The following C9orf153 variants were observed in gnomAD, a reference collection of about 807,000 sequenced individuals.
C9orf153 encodes chromosome 9 open reading frame 153, also known as uncharacterized protein C9orf153.
In C9orf153, 10 loss-of-function variants were observed where a neutral mutation model predicts 9.0. That is an observed-to-expected ratio of 1.11 (90% CI 0.69 to 1.89). C9orf153 has a LOEUF of 1.89. Among genes scored for constraint, C9orf153 ranks in the 40% most tolerant of loss-of-function variants. The probability of loss-of-function intolerance (pLI) is 0.00; values close to 1 mark genes in which losing one functional copy is unlikely to be tolerated. For synonymous variants in C9orf153, 35 were observed against 37.3 expected (o/e 0.94, Z 0.23); for missense variants, 108 against 111.0 (o/e 0.97, Z 0.12).
intron 1 of C9orf153, among the ~76,000 whole-genome samples, chr9:86,248,956 C>T (rs1034035504): frequency 1.2e-4 from 18 of 152,190 alleles, no homozygotes; most frequent in Admixed American, 7.2e-4. Flanking sequence ...ACGCCAGCAA[C>T]GTCACAGCCA....
rs570953540 is a variant in C9orf153 at position 86,233,803 on chromosome 9, G to A, written c.-26-4174C>T. On this transcript the variant is annotated intron_variant, in intron 1 of 3. Transcript: ENST00000339137. Reference sequence around the variant, plus strand: ...CTATCATTTAAAAATATCATATTTCGGCCGGGCGCGGTGACTGGCGCCTGT... The same window carrying A: ...CTATCATTTAAAAATATCATATTTCAGCCGGGCGCGGTGACTGGCGCCTGT... 2.6e-5 allele frequency among the ~76,000 whole-genome samples: 4 copies of A among 152,200 alleles called. 1 individual carries two copies. Among genetic ancestry groups the A allele is most frequent in the African/African-American group, 9.6e-5 (4 of 41,528 alleles).
intron 3 of C9orf153, among the ~76,000 whole-genome samples, chr9:86,224,445 A>C (rs1824272848): frequency 6.6e-6 from 1 of 152,048 alleles, no homozygotes; most frequent in African/African-American, 2.4e-5. Flanking sequence ...TAAGAGGAAT[A>C]AATTCTGGTG....
intron 1 of C9orf153, among the ~76,000 whole-genome samples, chr9:86,251,730 G>A (rs1824998172): frequency 6.6e-6 from 1 of 152,050 alleles, no homozygotes; most frequent in Non-Finnish European, 1.5e-5. Flanking sequence ...AAAGGTTTAT[G>A]GAAACCTTAT....
intron 1 of C9orf153, among the ~76,000 whole-genome samples, chr9:86,257,372 T>C (rs1310998528): frequency 6.6e-6 from 1 of 152,120 alleles, no homozygotes. Context: ...ACCTGAAGAT[T>C]CCCCTGCAGA....
chr9:86,232,015 C>G (rs1824482912), intron 1 of C9orf153, among the ~76,000 whole-genome samples: 2 of 152,100 alleles, frequency 1.3e-5, no homozygotes, highest in Non-Finnish European at 2.9e-5. Context: ...TCGCCTCTCT[C>G]CCCTTTTCTC....
chr9:86,229,772 T>C, intron 1 of C9orf153, 143 bp from the exon 2 acceptor site: 1 of 572,506 alleles, frequency 1.7e-6, no homozygotes, highest in Admixed American at 3.1e-5. Context: ...AGTCCATTCT[T>C]GAATTGCTCT....
rs145238382 is a variant in C9orf153 at position 86,240,046 on chromosome 9, C to T, written c.-26-10417G>A. 8.3e-4 allele frequency among the ~76,000 whole-genome samples: 126 copies of T among 152,290 alleles called. No individual in the cohort carries two copies. The East Asian group carries it at 0.023, about 28-fold the overall frequency. Reference sequence around the variant, plus strand: ...CGATGATACTGACCATTACTAAGAGCTATGAATACTAGCTGATATTCTGTG... The same window carrying T: ...CGATGATACTGACCATTACTAAGAGTTATGAATACTAGCTGATATTCTGTG... On this transcript the variant is annotated intron_variant, in intron 1 of 3. Transcript: ENST00000339137.
chr9:86,223,576 G>T (rs931926424), intron 3 of C9orf153, among the ~76,000 whole-genome samples: 3 of 152,164 alleles, frequency 2.0e-5, no homozygotes, highest in Non-Finnish European at 1.5e-5. Context: ...TGCTATAGAG[G>T]GGGGAGCTAA....
chr9:86,256,553 A>C (rs1825126738), intron 1 of C9orf153, among the ~76,000 whole-genome samples: 1 of 152,224 alleles, frequency 6.6e-6, no homozygotes, highest in African/African-American at 2.4e-5. Flanking sequence ...ATTTCTGGGA[A>C]ATCATTACTA....
rs987273964 is a variant in C9orf153 at position 86,220,369 on chromosome 9, T to C, written c.*1319A>G. 10 of 152,222 alleles carry C rather than the reference T, an allele frequency of 6.6e-5. No individual in the cohort carries two copies. Among genetic ancestry groups the C allele is most frequent in the Admixed American group, 2.6e-4 (4 of 15,276 alleles). The allele number at this position is 152,222 out of a possible 1,614,324, so 9.4% of individuals were successfully genotyped here. A position where few individuals can be genotyped will look rare whatever the true frequency, so the allele number is the denominator to read the frequency against. ...CCCTCTGGGTTCTTACTAAAATACA[T>C]ACTTTATTAGTAGTTTTTTTTAAGC... On this transcript the variant is annotated 3_prime_UTR_variant, in exon 4 of 4. Transcript: ENST00000339137.
At chr9:86,259,274 A>T (rs566464885) in intron 1 of C9orf153, among the ~76,000 whole-genome samples, 1 of 152,242 alleles carries the variant, frequency 6.6e-6, no homozygotes, top group East Asian at 1.9e-4. Context: ...GAGCAGAGCT[A>T]TCAGTGTTGA....
At chr9:86,236,068 T>A (rs1824579325) in intron 1 of C9orf153, among the ~76,000 whole-genome samples, 1 of 151,600 alleles carries the variant, frequency 6.6e-6, no homozygotes, top group African/African-American at 2.4e-5. Context: ...AGAAAAGAAA[T>A]CTTGAAAGAA....
intron 1 of C9orf153, among the ~76,000 whole-genome samples, chr9:86,239,179 T>C (rs1472884331): frequency 6.6e-6 from 1 of 151,878 alleles, no homozygotes; most frequent in African/African-American, 2.4e-5. Context: ...AGGAATCACT[T>C]GAACCCGGGA....
intron 1 of C9orf153, among the ~76,000 whole-genome samples, chr9:86,251,075 T>C (rs1333973187): frequency 6.6e-6 from 1 of 152,204 alleles, no homozygotes; most frequent in Non-Finnish European, 1.5e-5. Flanking sequence ...TTAACAATAA[T>C]TGTTTTTTAG....
chr9:86,255,688 G>A (rs146954711), intron 1 of C9orf153, among the ~76,000 whole-genome samples: 1 of 152,298 alleles, frequency 6.6e-6, no homozygotes, highest in Non-Finnish European at 1.5e-5. Context: ...TGGTATGTAA[G>A]CTTCTGTAAC....
At chr9:86,248,649 G>T (rs1384089086) in intron 1 of C9orf153, among the ~76,000 whole-genome samples, 1 of 151,812 alleles carries the variant, frequency 6.6e-6, no homozygotes, top group African/African-American at 2.4e-5. Context: ...TTGTTTTTTG[G>T]TATGATATTT....
intron 1 of C9orf153, among the ~76,000 whole-genome samples, chr9:86,248,578 G>A (rs1276585768): frequency 2.6e-5 from 4 of 152,050 alleles, no homozygotes; most frequent in Non-Finnish European, 4.4e-5. Flanking sequence ...GCTGAGTTGG[G>A]GGCCTTGCAT....
At chr9:86,244,800 T>C (rs1824829597) in intron 1 of C9orf153, among the ~76,000 whole-genome samples, 1 of 152,206 alleles carries the variant, frequency 6.6e-6, no homozygotes, top group Non-Finnish European at 1.5e-5. Flanking sequence ...GTGTTTAGCA[T>C]TCTCCTCCTT....
At chr9:86,244,030 A>G (rs1292180294) in intron 1 of C9orf153, among the ~76,000 whole-genome samples, 1 of 152,220 alleles carries the variant, frequency 6.6e-6, no homozygotes, top group African/African-American at 2.4e-5. Context: ...TGTACCATCC[A>G]ATATGGTAGC....
Sources: gnomAD v4.1 joint callset for allele counts (sites outside exome capture counted in the v4.1 genomes callset) on GRCh38, gnomAD v4.1.1 for gene constraint, MANE v1.5 for transcripts, NCBI Gene and HGNC (gene_info 2026-07-23, HGNC 2026-07-21) for gene names.